The following EXD2 variants were observed in gnomAD, a reference collection of about 807,000 sequenced individuals.
The protein encoded by EXD2 is exonuclease 3'-5' domain containing 2.
In EXD2, 40 loss-of-function variants were observed where a neutral mutation model predicts 62.5. The observed-to-expected ratio is 0.64, with a 90% CI of 0.50 to 0.83. The LOEUF (loss-of-function observed/expected upper bound fraction) is 0.83, where lower values mean the gene tolerates loss of function less well. EXD2 is among the 40% of genes least tolerant of loss of function. The pLI is 0.00. For synonymous variants in EXD2, 239 were observed against 291.9 expected, an observed-to-expected ratio of 0.82 and a Z score of 1.85; for missense variants, 671 against 761.8, an observed-to-expected ratio of 0.88 and a Z score of 1.40.
intron 1 of EXD2, 51 bp downstream of exon 1, chr14:69,191,642 G>A (rs1477841921): frequency 6.6e-6 from 1 of 152,592 alleles, no homozygotes; most frequent in Non-Finnish European, 1.5e-5. Flanking sequence ...TTGTGCGCGG[G>A]GCAGGGGGTG....
chr14:69,214,172 T>C (rs569440513), intron 3 of EXD2: 1 of 152,320 alleles, frequency 6.6e-6, no homozygotes, highest in Non-Finnish European at 1.5e-5. Flanking sequence ...CCTTGATTCT[T>C]TGTAAGTAAT....
At chr14:69,216,388 A>G (rs2042989193) in intron 3 of EXD2, among the ~76,000 whole-genome samples, 1 of 152,154 alleles carries the variant, frequency 6.6e-6, no homozygotes, top group African/African-American at 2.4e-5. Flanking sequence ...AAGACCTGCC[A>G]TCTTGTTCTT....
chr14:69,232,293 T>A lies in EXD2; in HGVS notation c.717+1695T>A, dbSNP rs115909883. On this transcript the variant is annotated intron_variant, in intron 5 of 9. Coordinates refer to ENST00000685843, the MANE Select transcript of EXD2 (RefSeq NM_001193360.2). Reference sequence around the variant, plus strand: ...TGTTCTCTATAGAGATTTCACCTTATCCTTCTGTTTCCGCCCTTGCCTTCA... The same window carrying A: ...TGTTCTCTATAGAGATTTCACCTTAACCTTCTGTTTCCGCCCTTGCCTTCA... 1.2e-3 allele frequency among the ~76,000 whole-genome samples: 187 copies of A among 152,326 alleles called. 1 individual carries two copies. Among genetic ancestry groups the A allele is most frequent in the African/African-American group, 4.3e-3 (178 of 41,568 alleles).
chr14:69,236,701 G>A (rs369559618), intron 8 of EXD2, among the ~76,000 whole-genome samples, 159 bp downstream of exon 8: 3 of 152,118 alleles, frequency 2.0e-5, no homozygotes, highest in Non-Finnish European at 2.9e-5. Context: ...GTATTCTGCC[G>A]CCCTTGCTAT....
At position 69,240,989 on chromosome 14, in the gene EXD2, C is replaced by T. The variant is rs773864932; in HGVS notation, c.1755C>T (p.His585=). The T allele has an allele frequency of 1.2e-5, 19 of 1,613,336 alleles. No individual in the cohort carries two copies. The South Asian group carries it at 1.6e-4, about 14-fold the overall frequency. Residue 585 remains histidine, a synonymous_variant, in exon 10 of 10, where the codon CAC becomes CAT. Coordinates refer to ENST00000685843, the MANE Select transcript of EXD2 (RefSeq NM_001193360.2). Reference sequence around the variant, plus strand: ...AGCTGGAGAGCCGCTGGCGTCAGCACTTCCTGGACTCCATGCAGCCCAAGC... The same window carrying T: ...AGCTGGAGAGCCGCTGGCGTCAGCATTTCCTGGACTCCATGCAGCCCAAGC... The part of the protein sequence containing the change: ...LMQLESRWRQ[H]FLDSMQPKHL...
At chr14:69,213,295 A>C (rs2042878962) in intron 3 of EXD2, among the ~76,000 whole-genome samples, 1 of 149,556 alleles carries the variant, frequency 6.7e-6, no homozygotes, top group Non-Finnish European at 1.5e-5. Context: ...CCAAACTCCT[A>C]GGCTCAAGTG....
Position 69,234,884 on chromosome 14 carries a change from G to C in EXD2, c.902G>C (p.Gly301Ala), listed in dbSNP as rs2043716655. Residue 301 changes from glycine (G) to alanine (A), a missense_variant, in exon 6 of 10, where the codon GGA (glycine) becomes GCA (alanine). Physicochemically the swap from Gly to Ala is moderately conservative, Grantham distance 60. Coordinates refer to ENST00000685843, the MANE Select transcript of EXD2 (RefSeq NM_001193360.2). ...CGAAGCAAAGGAATGAGCAGATTGG[G>C]AGAAGAGGTTAATGGGGAAGCAACA... ...PFRSKGMSRL[G>A]EEVNGEATES... 1.2e-6 allele frequency: 2 copies of C among 1,614,106 alleles called. No homozygotes were observed. Among genetic ancestry groups the C allele is most frequent in the African/African-American group, 2.7e-5 (2 of 74,932 alleles).
At chr14:69,213,537 A>ATTTTTTT (rs746653694) in intron 3 of EXD2, among the ~76,000 whole-genome samples, 17,506 of 75,946 alleles carry the variant, frequency 0.23, 3,253 homozygotes, top group East Asian at 0.82. Flanking sequence ...CACCTGGATA[A>ATTTTTTT]TTTTTTTTTT....
intron 3 of EXD2, among the ~76,000 whole-genome samples, chr14:69,223,771 A>G (rs1269439729): frequency 1.3e-5 from 2 of 152,158 alleles, no homozygotes; most frequent in Admixed American, 1.3e-4. Flanking sequence ...GGTACAAATA[A>G]TTGGTGCAAT....
intron 8 of EXD2, 124 bp from the exon 9 acceptor site, chr14:69,237,451 G>A: frequency 1.2e-6 from 1 of 805,784 alleles, no homozygotes; most frequent in Non-Finnish European, 2.1e-6. Context: ...GTGTTGGGCG[G>A]TGGTGCCCAA....
intron 1 of EXD2, among the ~76,000 whole-genome samples, chr14:69,200,507 G>A (rs1031049419): frequency 6.6e-6 from 1 of 151,180 alleles, no homozygotes; most frequent in South Asian, 2.1e-4. Flanking sequence ...TCTGAGACCA[G>A]CCCGGGCAAC....
chr14:69,220,251 CTGTT>C lies in EXD2; in HGVS notation c.334-8563_334-8560del, dbSNP rs1566829142. Among the ~76,000 whole-genome samples the C allele has an allele frequency of 6.4e-4, 39 of 60,640 alleles. 1 individual carries two copies. Among genetic ancestry groups the C allele is most frequent in the African/African-American group, 2.5e-3 (36 of 14,406 alleles). The allele number at this position is 60,640 out of a possible 152,430, so 39.8% of individuals were successfully genotyped here. The stretch of plus-strand genomic sequence containing the variant: ...CTCTCTCAGCAAGTGTTTTGTCTCT[CTGTT>C]TTTTTTTTTTTTTTTTTTTTTTTTT... On this transcript the variant is annotated intron_variant, in intron 3 of 9. Transcript: ENST00000685843.
intron 1 of EXD2, among the ~76,000 whole-genome samples, chr14:69,201,402 C>T (rs975086658): frequency 6.6e-6 from 1 of 151,842 alleles, no homozygotes. Flanking sequence ...CTGACTAGGC[C>T]GGTCTCAAAC....
Position 69,234,838 on chromosome 14 carries a change from G to A in EXD2, c.856G>A (p.Gly286Ser). The A allele has an allele frequency of 1.2e-6, 2 of 1,614,158 alleles. No individual in the cohort carries two copies. Among genetic ancestry groups the A allele is most frequent in the Non-Finnish European group, 1.7e-6 (2 of 1,180,040 alleles). ...SWRKVLEKCQ[G>S]VVDIPFRSKG... The stretch of plus-strand genomic sequence containing the variant: ...GAGAAAAGTCTTGGAAAAATGCCAG[G>A]GTGTGGTCGACATCCCATTTCGAAG... The change falls in exon 6 of 10, where the codon GGT (glycine) becomes AGT (serine). Residue 286 changes from glycine to serine, a missense_variant. Gly to Ser is a moderately conservative substitution (Grantham distance 56, BLOSUM62 0). Coordinates refer to ENST00000685843, the MANE Select transcript of EXD2 (RefSeq NM_001193360.2).
intron 3 of EXD2, among the ~76,000 whole-genome samples, chr14:69,225,073 ACT>A (rs1285682395): frequency 6.6e-6 from 1 of 152,010 alleles, no homozygotes; most frequent in Non-Finnish European, 1.5e-5. Flanking sequence ...GTCTCCTCCT[ACT>A]CTCTTTTCAT....
intron 3 of EXD2, among the ~76,000 whole-genome samples, chr14:69,214,411 T>G (rs942958701): frequency 1.3e-5 from 2 of 152,234 alleles, no homozygotes; most frequent in African/African-American, 2.4e-5. Flanking sequence ...CTAGATTCAT[T>G]ATATACGATT....
chr14:69,228,523 A>G (rs181617857), intron 3 of EXD2, among the ~76,000 whole-genome samples: 1 of 151,950 alleles, frequency 6.6e-6, no homozygotes, highest in East Asian at 1.9e-4. Context: ...CATGTTCCAT[A>G]TGACTGCCAG....
chr14:69,207,389 G>C (rs796275149), intron 2 of EXD2, among the ~76,000 whole-genome samples: 74 of 152,246 alleles, frequency 4.9e-4, no homozygotes, highest in African/African-American at 1.7e-3. Flanking sequence ...AGCTGCTTGG[G>C]AGGCTGAGGC....
chr14:69,194,945 G>A (rs1378972809), intron 1 of EXD2, among the ~76,000 whole-genome samples: 11 of 152,140 alleles, frequency 7.2e-5, no homozygotes, highest in African/African-American at 2.2e-4. Flanking sequence ...GGAGCCGGGC[G>A]CGGTGGCTTA....
Sources: gnomAD v4.1 joint callset for allele counts (sites outside exome capture counted in the v4.1 genomes callset) on GRCh38, gnomAD v4.1.1 for gene constraint, MANE v1.5 for transcripts, NCBI Gene and HGNC (gene_info 2026-07-23, HGNC 2026-07-21) for gene names.